IL37: variants seen among roughly 807,000 people sequenced by gnomAD.
The protein encoded by IL37 is interleukin-37.
IL37 carries 15 observed loss-of-function variants against 15.4 expected under a neutral mutation model. That is an observed-to-expected ratio of 0.98 (90% CI 0.65 to 1.50). The LOEUF is 1.50. Among genes scored for constraint, IL37 ranks in the 40% most tolerant of loss-of-function variants. The pLI, the probability that IL37 is intolerant of heterozygous loss-of-function variation, is 0.00. For synonymous variants in IL37, 98 were observed against 97.4 expected (o/e 1.01, Z -0.03); for missense variants, 269 against 261.7 (o/e 1.03, Z -0.19).
At chr2:112,918,529 G>T (rs1368974125) in intron 5 of IL37, 32 bp from the exon 6 acceptor site, 8 of 1,590,926 alleles carry the variant, frequency 5.0e-6, no homozygotes, top group Non-Finnish European at 6.9e-6. Context: ...CTCAAAGCCT[G>T]TGCTATCTAA....
At position 112,912,953 on chromosome 2, in the gene IL37, A is replaced by G. The variant is rs1683208372; in HGVS notation, c.-50-10A>G. ...AGATGCCATAACTGGTCCCCTTTCT[A>G]TCTCCTTAGGTCTTGGACTTCATTC... On this transcript the variant is annotated splice_polypyrimidine_tract_variant and intron_variant, in intron 1 of 5. Transcript: ENST00000263326. 1 of 1,293,902 alleles carries G rather than the reference A, an allele frequency of 7.7e-7. No individual in the cohort carries two copies. The highest frequency in any genetic ancestry group is 1.5e-5 in the African/African-American group (1 of 65,286). 80.2% of individuals were successfully genotyped at this position (1,293,902 alleles called of 1,614,324 possible). A position where few individuals can be genotyped will look rare whatever the true frequency, so the allele number is the denominator to read the frequency against.
At position 112,913,114 on chromosome 2, in the gene IL37, C is replaced by T. The variant is rs561470019; in HGVS notation, c.82+20C>T. On this transcript the variant is annotated intron_variant, in intron 2 of 5. Coordinates refer to ENST00000263326, the MANE Select transcript of IL37 (RefSeq NM_014439.4). ...TAGAAGGTAAGGTTCTTGTAGAAAT[C>T]TACCTCAGGGCCAAAGTGTAATTCC... is the stretch of plus-strand genomic sequence containing the variant. The T allele has an allele frequency of 2.1e-4, 311 of 1,498,716 alleles. 3 individuals carry two copies. In the South Asian group the frequency reaches 3.9e-3, roughly 19 times the overall value. The allele number at this position is 1,498,716 out of a possible 1,614,324, so 92.8% of individuals were successfully genotyped here.
At chr2:112,916,364 C>T (rs1165690195) in intron 3 of IL37, among the ~76,000 whole-genome samples, 1 of 152,170 alleles carries the variant, frequency 6.6e-6, no homozygotes, top group Admixed American at 6.5e-5. Context: ...CAGGAGGGAA[C>T]GTTCCCTTTT....
chr2:112,917,219 C>T lies in IL37; in HGVS notation c.236C>T (p.Ala79Val). The change falls in exon 4 of 6, where the codon GCA (alanine) becomes GTA (valine). Residue 79 changes from alanine (A) to valine (V), a missense_variant. Ala to Val is a moderately conservative substitution (Grantham distance 64, BLOSUM62 0). Coordinates refer to ENST00000263326, the MANE Select transcript of IL37 (RefSeq NM_014439.4). ...VLVLDSGNLI[A>V]VPDKNYIRPE... ...GTCCTGGACTCTGGGAATCTCATAG[C>T]AGTTCCAGATAAAAACTACATACGC... The T allele has an allele frequency of 1.9e-6, 3 of 1,614,080 alleles. No individual in the cohort carries two copies. Among genetic ancestry groups the T allele is most frequent in the Non-Finnish European group, 2.5e-6 (3 of 1,179,974 alleles).
Position 112,918,612 on chromosome 2 carries a change from T to A in IL37, c.460T>A (p.Phe154Ile). 1.2e-6 allele frequency: 2 copies of A among 1,613,732 alleles called. No individual in the cohort carries two copies. The highest frequency in any genetic ancestry group is 8.5e-7 in the Non-Finnish European group (1 of 1,179,964). The change falls in exon 6 of 6, where the codon TTC (phenylalanine) becomes ATC (isoleucine). Residue 154 changes from phenylalanine (F) to isoleucine (I), a missense_variant. Transcript: ENST00000263326. ...CCAAAAGGAATCAGCACGCCGGCCCTTCATCTTTTATAGGGCTCAGGTGGG... is the reference window on the plus strand; with the variant it reads ...CCAAAAGGAATCAGCACGCCGGCCCATCATCTTTTATAGGGCTCAGGTGGG... ...AAQKESARRP[F>I]IFYRAQVGSW...
At chr2:112,915,354 G>A (rs1013396758) in intron 3 of IL37, 2 of 1,036,622 alleles carry the variant, frequency 1.9e-6, no homozygotes, top group African/African-American at 1.6e-5. Context: ...TCTCAGGAGT[G>A]TGAGGCCCAG....
At chr2:112,911,306 T>A (rs1024898341) in intron 1 of IL37, among the ~76,000 whole-genome samples, 58 bp downstream of exon 1, 2 of 152,032 alleles carry the variant, frequency 1.3e-5, no homozygotes, top group African/African-American at 4.8e-5. Context: ...GGAAGTAGAG[T>A]AGCATCTGGC....
intron 2 of IL37, among the ~76,000 whole-genome samples, chr2:112,913,548 C>G (rs1300029844): frequency 2.0e-5 from 3 of 152,130 alleles, no homozygotes; most frequent in African/African-American, 7.2e-5. Flanking sequence ...GCTTTTGACC[C>G]AAATGATTGT....
chr2:112,917,034 G>GGA, intron 3 of IL37, 95 bp from the exon 4 acceptor site: 1 of 1,394,866 alleles, frequency 7.2e-7, no homozygotes, highest in South Asian at 1.3e-5. Context: ...CAGGCAGGGT[G>GGA]GAGAGCTAGG....
In IL37 at chr2:112,918,579, C is replaced by G. The variant is rs759647208; in HGVS notation, c.427C>G (p.Leu143Val). The G allele has an allele frequency of 9.3e-6, 15 of 1,611,182 alleles. No homozygotes were observed. Among genetic ancestry groups the G allele is most frequent in the Non-Finnish European group, 1.3e-5 (15 of 1,179,042 alleles). The change falls in exon 6 of 6, where the codon CTG becomes GTG. Residue 143 changes from leucine to valine, a missense_variant. Leu to Val is a conservative substitution (Grantham distance 32, BLOSUM62 1). Transcript: ENST00000263326. ...LQLKKEKLMK[L>V]AAQKESARRP... is the part of the protein sequence containing the mutation. ...CTCACAGAAGGAGAAACTGATGAAG[C>G]TGGCTGCCCAAAAGGAATCAGCACG...
intron 2 of IL37, 75 bp downstream of exon 2, chr2:112,913,169 C>CA (rs1683216335): frequency 3.0e-6 from 3 of 988,600 alleles, no homozygotes; most frequent in Non-Finnish European, 4.4e-6. Flanking sequence ...GTGCTGTGCA[C>CA]AGACCCAGTT....
At position 112,918,680 on chromosome 2, in the gene IL37, C is replaced by T; in HGVS notation, c.528C>T (p.Phe176=). 2 of 1,614,140 alleles carry T rather than the reference C, an allele frequency of 1.2e-6. No individual in the cohort carries two copies. The highest frequency in any genetic ancestry group is 1.7e-6 in the Non-Finnish European group (2 of 1,180,028). The part of the protein sequence containing the change: ...MLESAAHPGW[F]ICTSCNCNEP... ...AGTCGGCGGCTCACCCCGGATGGTT[C>T]ATCTGCACCTCCTGCAATTGTAATG... The change falls in exon 6 of 6, where the codon TTC becomes TTT. Residue 176 remains phenylalanine, a synonymous_variant. Transcript: ENST00000263326.
chr2:112,912,966 T>A lies in IL37; in HGVS notation c.-47T>A. 7.0e-7 allele frequency: 1 copy of A among 1,431,410 alleles called. No homozygotes were observed. The highest frequency in any genetic ancestry group is 9.6e-7 in the Non-Finnish European group (1 of 1,039,508). 88.7% of individuals were successfully genotyped at this position (1,431,410 alleles called of 1,614,324 possible). The stretch of plus-strand genomic sequence containing the variant: ...GGTCCCCTTTCTATCTCCTTAGGTC[T>A]TGGACTTCATTCCATTTTCTGTTGA... On this transcript the variant is annotated 5_prime_UTR_variant, in exon 2 of 6. The change creates a new upstream start codon in the 5' untranslated region. Coordinates refer to ENST00000263326, the MANE Select transcript of IL37 (RefSeq NM_014439.4).
intron 5 of IL37, among the ~76,000 whole-genome samples, chr2:112,918,211 A>T (rs1449171508): frequency 6.6e-6 from 1 of 152,066 alleles, no homozygotes. Context: ...CTTTCACTTG[A>T]GGGGAGAAAT....
intron 3 of IL37, 22 bp from the exon 4 acceptor site, chr2:112,917,107 A>C: frequency 6.2e-7 from 1 of 1,612,756 alleles, no homozygotes; most frequent in Non-Finnish European, 8.5e-7. Flanking sequence ...TGAAGTGTTG[A>C]TATCTGGTGA....
intron 2 of IL37, 48 bp from the exon 3 acceptor site, chr2:112,913,744 T>C (rs1558801010): frequency 1.3e-6 from 2 of 1,526,162 alleles, no homozygotes; most frequent in South Asian, 2.3e-5. Context: ...CCCTAAATCC[T>C]TGGAAAATCC....
chr2:112,915,663 A>C (rs888812494), intron 3 of IL37, among the ~76,000 whole-genome samples: 1 of 152,236 alleles, frequency 6.6e-6, no homozygotes, highest in African/African-American at 2.4e-5. Flanking sequence ...GGATGGGCCC[A>C]GAAAAGCTCC....
At chr2:112,916,990 A>G in intron 3 of IL37, 139 bp from the exon 4 acceptor site, 1 of 928,382 alleles carries the variant, frequency 1.1e-6, no homozygotes, top group Non-Finnish European at 1.6e-6. Flanking sequence ...CTGGGAGTGG[A>G]AGAAATATTC....
chr2:112,911,874 C>A lies in IL37; in HGVS notation c.-51+626C>A, dbSNP rs570890181. ...AATTTTTTGTGTCCTTTGATTTACC[C>A]CAACATGACAAAGGCAGTTGTGCTT... On this transcript the variant is annotated intron_variant, in intron 1 of 5. Transcript: ENST00000263326. Among the ~76,000 whole-genome samples, 22 of 152,248 alleles carry A rather than the reference C, an allele frequency of 1.4e-4. No homozygotes were observed. In the East Asian group the frequency reaches 4.1e-3, roughly 28 times the overall value.
Sources: gnomAD v4.1 joint callset for allele counts (sites outside exome capture counted in the v4.1 genomes callset) on GRCh38, gnomAD v4.1.1 for gene constraint, MANE v1.5 for transcripts, NCBI Gene and HGNC (gene_info 2026-07-23, HGNC 2026-07-21) for gene names.